The following MAPK13 variants were observed in gnomAD, a reference collection of about 807,000 sequenced individuals.
MAPK13 encodes the protein mitogen-activated protein kinase 13, also known as MAP kinase 13.
A neutral mutation model predicts 53.5 loss-of-function variants in MAPK13; 39 were observed. The ratio of observed to expected loss-of-function variants is 0.73; its 90% CI spans 0.56 to 0.95. MAPK13 has a LOEUF of 0.95. Ranked by LOEUF, MAPK13 falls within the 40% of genes least tolerant of loss-of-function variation. The pLI is 0.00. For synonymous variants in MAPK13, 179 were observed against 190.9 expected (o/e 0.94, Z 0.51); for missense variants, 460 against 471.8 (o/e 0.98, Z 0.23).
At chr6:36,132,370 A>G (rs1209668452) in intron 2 of MAPK13, among the ~76,000 whole-genome samples, 1 of 152,242 alleles carries the variant, frequency 6.6e-6, no homozygotes, top group Non-Finnish European at 1.5e-5. Context: ...ATGAGCACAC[A>G]TCATTCTCCC....
At position 36,130,890 on chromosome 6, in the gene MAPK13, G is replaced by T. The variant is rs1766304986; in HGVS notation, c.119+189G>T. ...GAGTGGCTGAGTGAGGTCTCTGGGG[G>T]TTGAGTTGGGACTGGGCCTGGTTCT... is the stretch of plus-strand genomic sequence containing the variant. On this transcript the variant is annotated intron_variant, in intron 1 of 11. Transcript: ENST00000211287. This position sits in a 1 kb window ranked among gnomAD's most constrained non-coding sequence, Gnocchi z 4.5. 3 of 512,752 alleles carry T rather than the reference G, an allele frequency of 5.9e-6. No homozygotes were observed. Among genetic ancestry groups the T allele is most frequent in the South Asian group, 5.0e-5 (2 of 39,994 alleles). 31.8% of individuals were successfully genotyped at this position (512,752 alleles called of 1,614,324 possible).
rs762255402 is a variant in MAPK13 at position 36,136,929 on chromosome 6, ACT to A, written c.664_665del (p.Leu222ValfsTer87). The A allele has an allele frequency of 3.7e-5, 60 of 1,614,036 alleles. No individual in the cohort carries two copies. The highest frequency in any genetic ancestry group is 3.5e-4 in the Admixed American group (21 of 60,016). On this transcript the variant is annotated frameshift_variant, in exon 8 of 12. Coordinates refer to ENST00000211287, the MANE Select transcript of MAPK13 (RefSeq NM_002754.5). LOFTEE classifies it high-confidence loss of function. ...CATGGCAGAGATGCTGACAGGGAAA[ACT>A]CTGTTCAAGGGGAAAGATTGTATCC... Reference protein sequence around the residue: ...CIMAEMLTGKTLFKGKDYLDQ... With the variant: ...CIMAEMLTGKXLFKGKDYLDQ...
intron 8 of MAPK13, among the ~76,000 whole-genome samples, chr6:36,137,675 T>C (rs976613038): frequency 8.3e-6 from 1 of 120,970 alleles, no homozygotes; most frequent in African/African-American, 3.0e-5. Context: ...AAAAACAAAA[T>C]GTTGGGTGGG....
intron 8 of MAPK13, among the ~76,000 whole-genome samples, chr6:36,138,128 A>T (rs186345912): frequency 4.2e-4 from 64 of 152,252 alleles, no homozygotes; most frequent in Non-Finnish European, 5.0e-4. Flanking sequence ...ATGAAGGCTG[A>T]GAAGTCCACA....
In MAPK13 at chr6:36,135,738, C is replaced by A; in HGVS notation, c.309-15C>A. ...GGGACCCGGCACTGTTCCAAGAACC[C>A]CTCATGCCTTCCAGCTACCTGGTGA... On this transcript the variant is annotated splice_polypyrimidine_tract_variant and intron_variant, in intron 3 of 11. Transcript: ENST00000211287. The A allele has an allele frequency of 1.9e-6, 3 of 1,595,130 alleles. No individual in the cohort carries two copies. Among genetic ancestry groups the A allele is most frequent in the Middle Eastern group, 1.7e-4 (1 of 5,974 alleles).
intron 1 of MAPK13, 157 bp from the exon 2 acceptor site, chr6:36,131,114 T>C (rs1766310443): frequency 1.3e-6 from 1 of 797,268 alleles, no homozygotes; most frequent in Admixed American, 3.3e-5. Flanking sequence ...CCTGCCTGGC[T>C]TCCTACTCCC....
intron 3 of MAPK13, among the ~76,000 whole-genome samples, chr6:36,134,786 G>C (rs913988246): frequency 6.6e-6 from 1 of 152,202 alleles, no homozygotes; most frequent in South Asian, 2.1e-4. Context: ...AGCCGAGGCA[G>C]GCAGATCACC....
intron 8 of MAPK13, among the ~76,000 whole-genome samples, chr6:36,137,462 C>T (rs1184366013): frequency 6.6e-6 from 1 of 151,890 alleles, no homozygotes; most frequent in Non-Finnish European, 1.5e-5. Flanking sequence ...TTGCAGTGAG[C>T]TGAGATCGCG....
At chr6:36,134,773 G>C (rs1035063341) in intron 3 of MAPK13, among the ~76,000 whole-genome samples, 7 of 152,082 alleles carry the variant, frequency 4.6e-5, no homozygotes, top group African/African-American at 1.7e-4. Flanking sequence ...CAGCACTTTG[G>C]GAAGCCGAGG....
At chr6:36,132,810 C>A in intron 3 of MAPK13, 131 bp downstream of exon 3, 1 of 928,182 alleles carries the variant, frequency 1.1e-6, no homozygotes, top group Non-Finnish European at 1.7e-6. Context: ...CAGTCCTGTG[C>A]CTTTGCCTGT....
rs759807867 is a variant in MAPK13 at position 36,139,347 on chromosome 6, C to T, written c.1072C>T (p.Arg358Trp). 25 of 1,614,014 alleles carry T rather than the reference C, an allele frequency of 1.5e-5. No individual in the cohort carries two copies. Among genetic ancestry groups the T allele is most frequent in the Middle Eastern group, 1.6e-4 (1 of 6,084 alleles). ...NFSPIARKDSRRRSGMKL is the reference protein window; with the variant it reads ...NFSPIARKDSWRRSGMKL ...CAGCCCCATTGCCCGGAAGGACTCA[C>T]GGCGCCGGAGTGGCATGAAGCTGTA... The change falls in exon 12 of 12, where the codon CGG becomes TGG. Residue 358 changes from arginine to tryptophan, a missense_variant. By Grantham distance (101) the Arg-to-Trp change is moderately radical (BLOSUM62 -3). Transcript: ENST00000211287.
chr6:36,136,168 T>C, intron 5 of MAPK13, 120 bp downstream of exon 5: 4 of 1,258,278 alleles, frequency 3.2e-6, no homozygotes, highest in Non-Finnish European at 4.5e-6. Context: ...GAGCACAGAA[T>C]GTGGAGTTTT....
At position 36,137,072 on chromosome 6, in the gene MAPK13, T is replaced by C. The variant is rs963466069; in HGVS notation, c.682+122T>C. ...TGATACATACTCCCTGTAGAATAATTTGTAAATGCAGATAAGGCTGGACGC... is the reference window on the plus strand; with the variant it reads ...TGATACATACTCCCTGTAGAATAATCTGTAAATGCAGATAAGGCTGGACGC... On this transcript the variant is annotated intron_variant, in intron 8 of 11. Coordinates refer to ENST00000211287, the MANE Select transcript of MAPK13 (RefSeq NM_002754.5). The C allele has an allele frequency of 1.7e-5, 14 of 839,078 alleles. No individual in the cohort carries two copies. In the Admixed American group the frequency reaches 2.2e-4, roughly 13 times the overall value. The allele number at this position is 839,078 out of a possible 1,614,324, so 52.0% of individuals were successfully genotyped here.
Position 36,135,747 on chromosome 6 carries a change from T to G in MAPK13, c.309-6T>G, listed in dbSNP as rs1170119082. ...CACTGTTCCAAGAACCCCTCATGCC[T>G]TCCAGCTACCTGGTGATGCCCTTCA... On this transcript the variant is annotated splice_region_variant and splice_polypyrimidine_tract_variant and intron_variant, in intron 3 of 11. Transcript: ENST00000211287. 1 of 1,609,358 alleles carries G rather than the reference T, an allele frequency of 6.2e-7. No homozygotes were observed. Among genetic ancestry groups the G allele is most frequent in the South Asian group, 1.1e-5 (1 of 90,534 alleles).
Position 36,135,823 on chromosome 6 carries a change from A to T in MAPK13, c.379A>T (p.Ile127Phe). 1.2e-6 allele frequency: 2 copies of T among 1,614,042 alleles called. No individual in the cohort carries two copies. Among genetic ancestry groups the T allele is most frequent in the African/African-American group, 2.7e-5 (2 of 75,016 alleles). ...GGGGATGGAGTTCAGTGAGGAGAAG[A>T]TCCAGTACCTGGTGTATCAGATGCT... Reference protein sequence around the residue: ...IMGMEFSEEKIQYLVYQMLKG... With the variant: ...IMGMEFSEEKFQYLVYQMLKG... The change falls in exon 4 of 12, where the codon ATC (isoleucine) becomes TTC (phenylalanine). Residue 127 changes from isoleucine to phenylalanine, a missense_variant. By Grantham distance (21) the Ile-to-Phe change is conservative. Coordinates refer to ENST00000211287, the MANE Select transcript of MAPK13 (RefSeq NM_002754.5).
At position 36,135,783 on chromosome 6, in the gene MAPK13, T is replaced by C. The variant is rs758903392; in HGVS notation, c.339T>C (p.Asp113=). 3.1e-6 allele frequency: 5 copies of C among 1,613,810 alleles called. No homozygotes were observed. The East Asian group carries it at 1.1e-4, about 36-fold the overall frequency. ...FYLVMPFMQT[D]LQKIMGMEFS... is the part of the protein sequence containing the mutation. ...TGGTGATGCCCTTCATGCAGACGGA[T>C]CTGCAGAAGATCATGGGGATGGAGT... Residue 113 remains aspartate (D), a synonymous_variant, in exon 4 of 12, where the codon GAT becomes GAC. Coordinates refer to ENST00000211287, the MANE Select transcript of MAPK13 (RefSeq NM_002754.5).
rs1037470694 is a variant in MAPK13, at chr6:36,142,671, C to A, written c.*3298C>A. ...GAGCCCAGCAGGAAGCAGAAGTGGGCGGCCCTGGGCTGTACCTTTGAGCTG... is the reference window on the plus strand; with the variant it reads ...GAGCCCAGCAGGAAGCAGAAGTGGGAGGCCCTGGGCTGTACCTTTGAGCTG... On this transcript the variant is annotated 3_prime_UTR_variant, in exon 12 of 12. Transcript: ENST00000211287. The surrounding 1 kb of genome is among the most constrained non-coding windows in gnomAD (Gnocchi z 4.4). 2 of 152,330 alleles carry A rather than the reference C, an allele frequency of 1.3e-5. No individual in the cohort carries two copies. Among genetic ancestry groups the A allele is most frequent in the African/African-American group, 2.4e-5 (1 of 41,448 alleles). The allele number at this position is 152,330 out of a possible 1,614,324, so 9.4% of individuals were successfully genotyped here.
intron 3 of MAPK13, among the ~76,000 whole-genome samples, chr6:36,133,313 A>G (rs1766354585): frequency 6.6e-6 from 1 of 152,136 alleles, no homozygotes; most frequent in African/African-American, 2.4e-5. Context: ...TTCAGATGGG[A>G]TTTGGGGGAT....
Position 36,144,284 on chromosome 6 carries a change from T to C in MAPK13, c.*4911T>C, listed in dbSNP as rs993515177. On this transcript the variant is annotated 3_prime_UTR_variant, in exon 12 of 12. Transcript: ENST00000211287. ...AATGTATAACGTGATACTATGTGTA[T>C]AGGTTTCTTTATTAACATATTGAAT... The C allele has an allele frequency of 2.6e-5, 4 of 152,232 alleles. No individual in the cohort carries two copies. Among genetic ancestry groups the C allele is most frequent in the South Asian group, 2.1e-4 (1 of 4,832 alleles). The allele number at this position is 152,232 out of a possible 1,614,324, so 9.4% of individuals were successfully genotyped here.
Sources: gnomAD v4.1 joint callset for allele counts (sites outside exome capture counted in the v4.1 genomes callset) on GRCh38, gnomAD v4.1.1 for gene constraint, Gnocchi (gnomAD v3.1) non-coding constraint, MANE v1.5 for transcripts, NCBI Gene and HGNC (gene_info 2026-07-23, HGNC 2026-07-21) for gene names.